Variants in NOTCH2NLC observed in about 807,000 individuals in gnomAD.
The protein encoded by NOTCH2NLC is notch 2 N-terminal like C.
In NOTCH2NLC, 4 loss-of-function variants were observed where a neutral mutation model predicts 17.7. The ratio of observed to expected loss-of-function variants is 0.23; its 90% CI spans 0.11 to 0.52. The LOEUF is 0.52. NOTCH2NLC is among the 20% of genes least tolerant of loss of function. The pLI is 0.96. For synonymous variants in NOTCH2NLC, 18 were observed against 86.0 expected, an observed-to-expected ratio of 0.21 and a Z score of 4.38; for missense variants, 57 against 207.2, an observed-to-expected ratio of 0.28 and a Z score of 4.45.
chr1:149,433,653 A>AG, intron 2 of NOTCH2NLC, among the ~76,000 whole-genome samples: 1 of 144,900 alleles, frequency 6.9e-6, no homozygotes, highest in African/African-American at 2.5e-5. Flanking sequence ...ACTTACCAGG[A>AG]GAGGACACCT....
chr1:149,430,191 CT>C (rs2084439451), intron 1 of NOTCH2NLC, among the ~76,000 whole-genome samples: 1 of 143,910 alleles, frequency 6.9e-6, no homozygotes, highest in African/African-American at 2.6e-5. Flanking sequence ...GGTAAAGTGC[CT>C]TTTTATTGTC....
intron 1 of NOTCH2NLC, among the ~76,000 whole-genome samples, chr1:149,406,704 AAT>A (rs1377973524): frequency 3.3e-5 from 5 of 150,792 alleles, no homozygotes; most frequent in Non-Finnish European, 7.4e-5. Context: ...GAATAATAGT[AAT>A]ATCTAACTTG....
At chr1:149,419,025 C>T (rs2084363093) in intron 1 of NOTCH2NLC, among the ~76,000 whole-genome samples, 2 of 148,674 alleles carry the variant, frequency 1.3e-5, no homozygotes, top group South Asian at 4.4e-4. Context: ...TTTCCCTTTC[C>T]CTTCCTCTCT....
At position 149,466,214 on chromosome 1, in the gene NOTCH2NLC, T is replaced by C. The variant is rs1429364007; in HGVS notation, c.*2061T>C. ...TATAAGAAAACCAAGACACTCCTAA[T>C]TATAATCAAATAGTACTTGTTACAT... On this transcript the variant is annotated 3_prime_UTR_variant, in exon 5 of 5. Coordinates refer to ENST00000650865, the MANE Select transcript of NOTCH2NLC (RefSeq NM_001364013.2). 1 of 140,496 alleles carries C rather than the reference T, an allele frequency of 7.1e-6. No homozygotes were observed. Among genetic ancestry groups the C allele is most frequent in the African/African-American group, 2.7e-5 (1 of 37,510 alleles). 8.7% of individuals were successfully genotyped at this position (140,496 alleles called of 1,614,324 possible).
intron 1 of NOTCH2NLC, among the ~76,000 whole-genome samples, chr1:149,414,512 C>A (rs2084319513): frequency 6.6e-6 from 1 of 150,940 alleles, no homozygotes; most frequent in Non-Finnish European, 1.5e-5. Flanking sequence ...CCCTTCACAC[C>A]CTTAAAAAAT....
rs1248250951 is a variant in NOTCH2NLC, at chr1:149,467,558, G to A, written c.*3405G>A. On this transcript the variant is annotated 3_prime_UTR_variant, in exon 5 of 5. Transcript: ENST00000650865. ...TGGATAAGTAACTGTTAGTAATCCAGACACTTCATGAGCTTTCATTATGTA... is the reference window on the plus strand; with the variant it reads ...TGGATAAGTAACTGTTAGTAATCCAAACACTTCATGAGCTTTCATTATGTA... 9.5e-6 allele frequency: 1 copy of A among 105,346 alleles called. No individual in the cohort carries two copies. The highest frequency in any genetic ancestry group is 3.6e-5 in the African/African-American group (1 of 27,906). 6.5% of individuals were successfully genotyped at this position (105,346 alleles called of 1,614,324 possible). A position where few individuals can be genotyped will look rare whatever the true frequency, so the allele number is the denominator to read the frequency against.
intron 1 of NOTCH2NLC, among the ~76,000 whole-genome samples, chr1:149,396,077 A>C (rs1443054203): frequency 6.6e-6 from 1 of 150,652 alleles, no homozygotes. Flanking sequence ...TCCCACCTTT[A>C]GAACATTCTA....
intron 1 of NOTCH2NLC, among the ~76,000 whole-genome samples, chr1:149,426,518 T>G (rs1311268139): frequency 7.4e-6 from 1 of 135,298 alleles, no homozygotes; most frequent in Non-Finnish European, 1.6e-5. Flanking sequence ...TTCTAGATTT[T>G]TGTATTATAT....
chr1:149,412,895 T>C lies in NOTCH2NLC; in HGVS notation c.136-18047T>C, dbSNP rs1480878826. Among the ~76,000 whole-genome samples the C allele has an allele frequency of 2.1e-5, 3 of 141,708 alleles. 1 individual carries two copies. The highest frequency in any genetic ancestry group is 4.6e-5 in the Non-Finnish European group (3 of 64,900). 93.0% of individuals were successfully genotyped at this position (141,708 alleles called of 152,430 possible). A position where few individuals can be genotyped will look rare whatever the true frequency, so the allele number is the denominator to read the frequency against. ...AGTGGCAGTACAAAGACAAGATGAC[T>C]GACTTTTTTTTTTTTTTTTTTTTTT... On this transcript the variant is annotated intron_variant, in intron 1 of 4. Coordinates refer to ENST00000650865, the MANE Select transcript of NOTCH2NLC (RefSeq NM_001364013.2).
chr1:149,419,029 CCT>C (rs1466629946), intron 1 of NOTCH2NLC, among the ~76,000 whole-genome samples: 3 of 149,052 alleles, frequency 2.0e-5, no homozygotes, highest in Non-Finnish European at 4.5e-5. Context: ...CCTTTCCCTT[CCT>C]CTCTCTCCTT....
chr1:149,447,376 TG>T (rs2084560480), intron 2 of NOTCH2NLC, among the ~76,000 whole-genome samples: 1 of 146,046 alleles, frequency 6.8e-6, no homozygotes, highest in African/African-American at 2.5e-5. Flanking sequence ...AGATGGATTT[TG>T]TGGAACATTT....
chr1:149,412,859 C>A (rs1174352308), intron 1 of NOTCH2NLC, among the ~76,000 whole-genome samples: 3 of 128,484 alleles, frequency 2.3e-5, no homozygotes, highest in Non-Finnish European at 3.4e-5. Flanking sequence ...TTCAAGAGCA[C>A]AAAAATAGTC....
chr1:149,400,920 G>A (rs1468356794), intron 1 of NOTCH2NLC, among the ~76,000 whole-genome samples: 1 of 150,542 alleles, frequency 6.6e-6, no homozygotes, highest in Non-Finnish European at 1.5e-5. Context: ...AGTTAGCTTG[G>A]TCAGAGAACA....
At chr1:149,417,450 G>A (rs1357081499) in intron 1 of NOTCH2NLC, among the ~76,000 whole-genome samples, 2 of 151,340 alleles carry the variant, frequency 1.3e-5, no homozygotes, top group Non-Finnish European at 3.0e-5. Flanking sequence ...GATGTAGTGA[G>A]TGAAAGGAAT....
At chr1:149,435,245 ACTG>A (rs1263459821) in intron 2 of NOTCH2NLC, among the ~76,000 whole-genome samples, 2 of 88,806 alleles carry the variant, frequency 2.3e-5, no homozygotes, top group African/African-American at 9.4e-5. Flanking sequence ...GTTTCTATCA[ACTG>A]CTCCTTCTTT....
Position 149,468,996 on chromosome 1 carries a change from G to C in NOTCH2NLC, c.*4843G>C, listed in dbSNP as rs1245426471. Reference sequence around the variant, plus strand: ...TTTTTTTTTTTTGAGACGGAGCATCGCTCTTTCTCCCAGGCTGGAGTGCAA... The same window carrying C: ...TTTTTTTTTTTTGAGACGGAGCATCCCTCTTTCTCCCAGGCTGGAGTGCAA... On this transcript the variant is annotated 3_prime_UTR_variant, in exon 5 of 5. Transcript: ENST00000650865. Among the ~76,000 whole-genome samples the C allele has an allele frequency of 1.1e-5, 1 of 87,154 alleles. No homozygotes were observed. Among genetic ancestry groups the C allele is most frequent in the Non-Finnish European group, 2.1e-5 (1 of 47,206 alleles). The allele number at this position is 87,154 out of a possible 152,430, so 57.2% of individuals were successfully genotyped here.
chr1:149,424,537 A>G (rs1214769230), intron 1 of NOTCH2NLC, among the ~76,000 whole-genome samples: 2 of 150,976 alleles, frequency 1.3e-5, no homozygotes, highest in East Asian at 3.9e-4. Context: ...CTTGACAAAT[A>G]TTAGTGGAAC....
chr1:149,446,504 T>C (rs1229704501), intron 2 of NOTCH2NLC, among the ~76,000 whole-genome samples: 2 of 150,224 alleles, frequency 1.3e-5, no homozygotes, highest in Non-Finnish European at 3.0e-5. Context: ...GACACTTTTT[T>C]TTTTTTTGAG....
intron 1 of NOTCH2NLC, among the ~76,000 whole-genome samples, chr1:149,418,881 A>C (rs1408322246): frequency 6.7e-6 from 1 of 150,054 alleles, no homozygotes; most frequent in Non-Finnish European, 1.5e-5. Context: ...GCAACAAAGC[A>C]GATGAAATGG....
Sources: allele counts gnomAD v4.1 joint callset (sites outside exome capture counted in the v4.1 genomes callset), GRCh38; gene constraint gnomAD v4.1.1; transcripts MANE v1.5; gene names NCBI Gene and HGNC (gene_info 2026-07-23, HGNC 2026-07-21).